Variants in FAM13A observed in about 807,000 individuals in gnomAD.
The protein encoded by FAM13A is family with sequence similarity 13 member A.
A neutral mutation model predicts 129.6 loss-of-function variants in FAM13A; 76 were observed. That is an observed-to-expected ratio of 0.59 (90% CI 0.49 to 0.71). The LOEUF (loss-of-function observed/expected upper bound fraction) is 0.71, where lower values mean the gene tolerates loss of function less well. Among genes scored for constraint, FAM13A ranks in the 30% least tolerant of loss-of-function variants. The probability of loss-of-function intolerance (pLI) is 0.00; values close to 1 mark genes in which losing one functional copy is unlikely to be tolerated. For missense variants in FAM13A, 1,108 were observed against 1,249.3 expected, an observed-to-expected ratio of 0.89 and a Z score of 1.70; for synonymous variants, 443 against 449.9, an observed-to-expected ratio of 0.98 and a Z score of 0.20.
At chr4:88,991,721 A>G (rs1762946903) in intron 3 of FAM13A, among the ~76,000 whole-genome samples, 1 of 152,198 alleles carries the variant, frequency 6.6e-6, no homozygotes, top group Admixed American at 6.5e-5. Flanking sequence ...AAGGTACTGT[A>G]CACAGAGAAA....
intron 3 of FAM13A, among the ~76,000 whole-genome samples, chr4:89,002,972 G>C (rs1203519332): frequency 1.3e-5 from 2 of 152,050 alleles, no homozygotes. Flanking sequence ...AGAATTAAAA[G>C]ACAGTGATAA....
chr4:88,967,125 T>C (rs979029473), intron 4 of FAM13A, among the ~76,000 whole-genome samples: 2 of 152,228 alleles, frequency 1.3e-5, no homozygotes, highest in Admixed American at 6.5e-5. Flanking sequence ...TGAAATAAGA[T>C]AGTACATGTA....
intron 21 of FAM13A, among the ~76,000 whole-genome samples, chr4:88,736,008 T>C (rs907632511): frequency 1.3e-5 from 2 of 152,208 alleles, no homozygotes; most frequent in Non-Finnish European, 2.9e-5. Context: ...GTAACGGTTC[T>C]ATTGCATGCT....
intron 22 of FAM13A, 39 bp downstream of exon 22, chr4:88,731,963 T>C: frequency 6.6e-7 from 1 of 1,523,076 alleles, no homozygotes; most frequent in South Asian, 1.2e-5. Context: ...TGAGCTATTT[T>C]TACCAAAACA....
intron 7 of FAM13A, chr4:88,822,864 T>G: frequency 6.7e-7 from 1 of 1,485,526 alleles, no homozygotes; most frequent in South Asian, 1.3e-5. Context: ...TACAACGGAC[T>G]CTACACACTT....
intron 4 of FAM13A, among the ~76,000 whole-genome samples, chr4:88,975,558 T>C (rs1760786506): frequency 6.6e-6 from 1 of 152,252 alleles, no homozygotes; most frequent in African/African-American, 2.4e-5. Flanking sequence ...AATTTTCATT[T>C]TGAAGTCTTA....
chr4:88,800,702 A>C (rs941952909), intron 8 of FAM13A, among the ~76,000 whole-genome samples: 74 of 151,168 alleles, frequency 4.9e-4, no homozygotes, highest in African/African-American at 1.7e-3. Flanking sequence ...AAAACAAAAA[A>C]AAAAAAAGAA....
Position 88,859,341 on chromosome 4 carries a change from G to C in FAM13A, c.844-8158C>G, listed in dbSNP as rs562801585. On this transcript the variant is annotated intron_variant, in intron 6 of 23. Coordinates refer to ENST00000264344, the MANE Select transcript of FAM13A (RefSeq NM_014883.4). ...AAATTGGGGGAGAGTTCTTGAGTGG[G>C]TGAGAGGGGATGGAATCATGCACAC... Among the ~76,000 whole-genome samples, 40 of 152,302 alleles carry C rather than the reference G, an allele frequency of 2.6e-4. 1 individual carries two copies. In the South Asian group the frequency reaches 8.1e-3, roughly 31 times the overall value.
intron 3 of FAM13A, among the ~76,000 whole-genome samples, chr4:89,010,830 A>G (rs1221347502): frequency 6.6e-6 from 1 of 151,840 alleles, no homozygotes; most frequent in African/African-American, 2.4e-5. Flanking sequence ...AAAACCTCTG[A>G]CTTTTCTTAC....
chr4:89,029,981 T>G (rs1008726007), intron 1 of FAM13A: 1 of 208,594 alleles, frequency 4.8e-6, no homozygotes. Context: ...AAAACATTTA[T>G]AAGAACAGTG....
intron 8 of FAM13A, among the ~76,000 whole-genome samples, chr4:88,793,742 G>A (rs976925040): frequency 6.6e-6 from 1 of 151,884 alleles, no homozygotes; most frequent in Admixed American, 6.6e-5. Flanking sequence ...TCAGGTTCAG[G>A]CTTACTGCCT....
At chr4:88,813,147 G>A (rs967034318) in intron 7 of FAM13A, among the ~76,000 whole-genome samples, 10 of 151,984 alleles carry the variant, frequency 6.6e-5, no homozygotes, top group Admixed American at 3.3e-4. Context: ...TGATATGTTC[G>A]GGCAAGGTAA....
intron 5 of FAM13A, among the ~76,000 whole-genome samples, chr4:88,930,187 G>A (rs1198943039): frequency 1.3e-5 from 2 of 152,086 alleles, no homozygotes; most frequent in Non-Finnish European, 2.9e-5. Flanking sequence ...GGCATTTTGA[G>A]GAATTTTGTT....
Position 88,728,414 on chromosome 4 carries a change from G to A in FAM13A, c.*119C>T. On this transcript the variant is annotated 3_prime_UTR_variant, in exon 24 of 24. Transcript: ENST00000264344. ...AGGAGCCGATGCCAAATGGTCTAGA[G>A]GCAGAAGGGCTGCATGCTTTGCAGG... The A allele has an allele frequency of 8.0e-7, 1 of 1,248,296 alleles. No homozygotes were observed. Among genetic ancestry groups the A allele is most frequent in the African/African-American group, 1.5e-5 (1 of 66,714 alleles). The allele number at this position is 1,248,296 out of a possible 1,614,324, so 77.3% of individuals were successfully genotyped here.
intron 4 of FAM13A, among the ~76,000 whole-genome samples, chr4:88,965,051 C>A (rs1759166803): frequency 1.3e-5 from 2 of 152,158 alleles, no homozygotes; most frequent in Admixed American, 6.5e-5. Context: ...CACAGTACAA[C>A]TCTACATCTT....
intron 5 of FAM13A, among the ~76,000 whole-genome samples, chr4:88,922,285 G>A (rs1751251526): frequency 1.3e-5 from 2 of 151,530 alleles, no homozygotes; most frequent in African/African-American, 4.9e-5. Flanking sequence ...TTCCAAAATT[G>A]ACCACATAAT....
chr4:88,763,866 A>T (rs1452609877), intron 13 of FAM13A, among the ~76,000 whole-genome samples: 1 of 152,228 alleles, frequency 6.6e-6, no homozygotes, highest in East Asian at 1.9e-4. Flanking sequence ...TTCAAAATCC[A>T]TGTGAACTCC....
rs139593848 is a variant in FAM13A, at chr4:88,784,386, C to T, written c.1272-3035G>A. ...AACACATGGTTGTATTTCTTTAAAT[C>T]TAATCTTAGATGGAGCAGGTGTACT... On this transcript the variant is annotated intron_variant, in intron 10 of 23. Transcript: ENST00000264344. Among the ~76,000 whole-genome samples the T allele has an allele frequency of 1.2e-3, 178 of 152,296 alleles. 1 individual carries two copies. The highest frequency in any genetic ancestry group is 3.4e-3 in the Admixed American group (52 of 15,276).
intron 4 of FAM13A, among the ~76,000 whole-genome samples, chr4:88,965,144 A>C (rs1422841990): frequency 1.3e-5 from 2 of 152,216 alleles, no homozygotes; most frequent in Non-Finnish European, 2.9e-5. Context: ...CAATTTGAGC[A>C]GCTGTAGCAT....
Sources: gnomAD v4.1 joint callset for allele counts (sites outside exome capture counted in the v4.1 genomes callset) on GRCh38, gnomAD v4.1.1 for gene constraint, MANE v1.5 for transcripts, NCBI Gene and HGNC (gene_info 2026-07-23, HGNC 2026-07-21) for gene names.